Variants in EYA1 observed in about 807,000 individuals in gnomAD.
EYA1 encodes the protein EYA transcriptional coactivator and phosphatase 1.
In EYA1, 16 loss-of-function variants were observed where a neutral mutation model predicts 82.0. The observed-to-expected ratio is 0.20, with a 90% CI of 0.13 to 0.30. The LOEUF (loss-of-function observed/expected upper bound fraction) is 0.30. Among genes scored for constraint, EYA1 ranks in the 10% least tolerant of loss-of-function variants. EYA1 has a pLI of 1.00. For missense variants in EYA1, 633 were observed against 730.7 expected, an observed-to-expected ratio of 0.87 and a Z score of 1.54; for synonymous variants, 261 against 264.4, an observed-to-expected ratio of 0.99 and a Z score of 0.12.
intron 2 of EYA1, among the ~76,000 whole-genome samples, chr8:71,374,137 G>A (rs1048596136): frequency 8.6e-5 from 13 of 151,688 alleles, no homozygotes. Flanking sequence ...TAAACAAGTG[G>A]GACTACATTA....
intron 2 of EYA1, among the ~76,000 whole-genome samples, chr8:71,378,032 C>A (rs1828475213): frequency 6.6e-6 from 1 of 152,114 alleles, no homozygotes; most frequent in South Asian, 2.1e-4. Context: ...AGGCTCTCTC[C>A]AACATCTTCT....
At chr8:71,249,205 A>C (rs1813460454) in intron 11 of EYA1, among the ~76,000 whole-genome samples, 1 of 152,048 alleles carries the variant, frequency 6.6e-6, no homozygotes, top group East Asian at 1.9e-4. Context: ...TATGACAGCA[A>C]TCTTTTATGG....
chr8:71,325,770 A>G (rs2129036998), intron 4 of EYA1, among the ~76,000 whole-genome samples: 1 of 152,330 alleles, frequency 6.6e-6, no homozygotes, highest in East Asian at 1.9e-4. Context: ...AAGGCCATAT[A>G]AGAAGTCATA....
At chr8:71,411,677 A>G (rs920182871) in intron 2 of EYA1, among the ~76,000 whole-genome samples, 4 of 150,496 alleles carry the variant, frequency 2.7e-5, no homozygotes, top group African/African-American at 7.4e-5. Flanking sequence ...AACCACTATG[A>G]GATATCATCT....
intron 2 of EYA1, among the ~76,000 whole-genome samples, chr8:71,480,208 T>A (rs1336500553): frequency 6.6e-6 from 1 of 152,226 alleles, no homozygotes; most frequent in Admixed American, 6.5e-5. Context: ...ATTCACAGGC[T>A]AAGAAAACTC....
At chr8:71,243,100 G>C (rs1385975992) in intron 12 of EYA1, among the ~76,000 whole-genome samples, 1 of 152,008 alleles carries the variant, frequency 6.6e-6, no homozygotes, top group Non-Finnish European at 1.5e-5. Flanking sequence ...TTTTAAGAAG[G>C]TACAGAGTTT....
chr8:71,267,624 C>A (rs1816005420), intron 11 of EYA1, among the ~76,000 whole-genome samples: 1 of 152,228 alleles, frequency 6.6e-6, no homozygotes, highest in African/African-American at 2.4e-5. Flanking sequence ...TCTCTGCTCA[C>A]TGCAAGCTCC....
chr8:71,428,734 C>A (rs528560700), intron 2 of EYA1, among the ~76,000 whole-genome samples: 45 of 152,180 alleles, frequency 3.0e-4, no homozygotes, highest in African/African-American at 1.1e-3. Context: ...TTTTCTTTTT[C>A]TATTTCACAA....
At chr8:71,348,023 T>G (rs1825926461) in intron 3 of EYA1, among the ~76,000 whole-genome samples, 1 of 152,204 alleles carries the variant, frequency 6.6e-6, no homozygotes, top group South Asian at 2.1e-4. Flanking sequence ...GAAGACTTGC[T>G]TTCTCTCTAC....
At chr8:71,221,520 A>G (rs1166469258) in intron 12 of EYA1, among the ~76,000 whole-genome samples, 1 of 152,224 alleles carries the variant, frequency 6.6e-6, no homozygotes, top group Non-Finnish European at 1.5e-5. Flanking sequence ...AAAATTCAAC[A>G]TGTTTGCATA....
At position 71,461,045 on chromosome 8, in the gene EYA1, T is replaced by C. The variant is rs936341151; in HGVS notation, c.33+74699A>G. ...AAAACAATTGGTTATAAGTATAATG[T>C]TGACCAGCACTGTCCAATAGAAATA... On this transcript the variant is annotated intron_variant, in intron 2 of 18. Coordinates refer to the EYA1 transcript ENST00000643681. 2.0e-5 allele frequency among the ~76,000 whole-genome samples: 3 copies of C among 152,276 alleles called. No individual in the cohort carries two copies. The South Asian group carries it at 6.2e-4, about 32-fold the overall frequency.
intron 9 of EYA1, among the ~76,000 whole-genome samples, chr8:71,277,280 G>A (rs1269022864): frequency 6.6e-6 from 1 of 151,724 alleles, no homozygotes; most frequent in Non-Finnish European, 1.5e-5. Flanking sequence ...CAAGCAGCTA[G>A]GACTACAGGC....
chr8:71,420,554 C>T (rs1016793389), intron 2 of EYA1, among the ~76,000 whole-genome samples: 2 of 152,076 alleles, frequency 1.3e-5, no homozygotes. Flanking sequence ...TAAATAAAAT[C>T]TCATAAGCTG....
At chr8:71,452,433 G>T (rs1309316240) in intron 2 of EYA1, among the ~76,000 whole-genome samples, 1 of 152,192 alleles carries the variant, frequency 6.6e-6, no homozygotes, top group Non-Finnish European at 1.5e-5. Context: ...GGTTCTCCCA[G>T]CACGGAGTTT....
At chr8:71,287,634 C>A (rs1336505013) in intron 9 of EYA1, among the ~76,000 whole-genome samples, 1 of 152,198 alleles carries the variant, frequency 6.6e-6, no homozygotes, top group African/African-American at 2.4e-5. Context: ...ATGAAAGAAA[C>A]TGGTGAGCCA....
chr8:71,236,870 TA>T (rs1811898719), intron 12 of EYA1, among the ~76,000 whole-genome samples: 1 of 152,220 alleles, frequency 6.6e-6, no homozygotes, highest in African/African-American at 2.4e-5. Context: ...GAATTTTGAG[TA>T]AAAGGATCAG....
At chr8:71,541,554 C>T (rs536191697) in intron 1 of EYA1, among the ~76,000 whole-genome samples, 4 of 152,230 alleles carry the variant, frequency 2.6e-5, no homozygotes, top group Admixed American at 1.3e-4. Context: ...TTTTCAAGAA[C>T]ATTAAACCTA....
At chr8:71,375,433 G>T (rs1413467002) in intron 2 of EYA1, among the ~76,000 whole-genome samples, 3 of 152,156 alleles carry the variant, frequency 2.0e-5, no homozygotes, top group African/African-American at 7.2e-5. Flanking sequence ...GTGTGAATGT[G>T]TTGGGGGTGG....
At chr8:71,238,945 G>A (rs565200093) in intron 12 of EYA1, among the ~76,000 whole-genome samples, 99 of 151,952 alleles carry the variant, frequency 6.5e-4, no homozygotes, top group African/African-American at 2.3e-3. Context: ...AGTATTCAGA[G>A]TATAAATTTA....
Sources: gnomAD v4.1 joint callset for allele counts (sites outside exome capture counted in the v4.1 genomes callset) on GRCh38, gnomAD v4.1.1 for gene constraint, MANE v1.5 for transcripts, NCBI Gene and HGNC (gene_info 2026-07-23, HGNC 2026-07-21) for gene names.